Variants in ZNF804A observed in about 807,000 individuals in gnomAD.
ZNF804A encodes zinc finger protein 804A.
Under a neutral mutation model 16.5 loss-of-function variants are expected in ZNF804A, and 2 were observed. That is an observed-to-expected ratio of 0.12 (90% CI 0.05 to 0.38). The LOEUF (loss-of-function observed/expected upper bound fraction) is 0.38, where lower values mean the gene tolerates loss of function less well. Among genes scored for constraint, ZNF804A ranks in the 10% least tolerant of loss-of-function variants. ZNF804A has a pLI of 0.99. For synonymous variants in ZNF804A, 534 were observed against 489.6 expected, an observed-to-expected ratio of 1.09 and a Z score of -1.20; for missense variants, 1,473 against 1,390.7, an observed-to-expected ratio of 1.06 and a Z score of -0.94.
In ZNF804A at chr2:184,627,753, A is replaced by T. The variant is rs182593496; in HGVS notation, c.111+28683A>T. On this transcript the variant is annotated intron_variant, in intron 1 of 3. Transcript: ENST00000302277. The stretch of plus-strand genomic sequence containing the variant: ...TAGATTGCATAGGTAGCTAAGAGAC[A>T]TTAGAAATGGATTTATTCTAAGAAG... Among the ~76,000 whole-genome samples, 47 of 152,338 alleles carry T rather than the reference A, an allele frequency of 3.1e-4. 1 individual carries two copies. In the East Asian group the frequency reaches 9.1e-3, roughly 29 times the overall value.
chr2:184,637,415 TTATTA>T lies in ZNF804A; in HGVS notation c.111+38350_111+38354del, dbSNP rs1278901790. ...GAGAATATTTCCAGTAAAATCTGGATTATTATATTTAAGTCTTTTCCATATTTGCT... is the reference window on the plus strand; with the variant it reads ...GAGAATATTTCCAGTAAAATCTGGATTATTTAAGTCTTTTCCATATTTGCT... On this transcript the variant is annotated intron_variant, in intron 1 of 3. Coordinates refer to ENST00000302277, the MANE Select transcript of ZNF804A (RefSeq NM_194250.2). Among the ~76,000 whole-genome samples the T allele has an allele frequency of 3.3e-5, 5 of 152,196 alleles. No individual in the cohort carries two copies. The East Asian group carries it at 7.7e-4, about 23-fold the overall frequency.
intron 2 of ZNF804A, among the ~76,000 whole-genome samples, chr2:184,910,065 A>T (rs768182486): frequency 6.6e-6 from 1 of 151,928 alleles, no homozygotes; most frequent in Non-Finnish European, 1.5e-5. Flanking sequence ...ATATTGTTTG[A>T]TGCTGAGATT....
Position 184,811,812 on chromosome 2 carries a change from A to G in ZNF804A, c.112-54557A>G, listed in dbSNP as rs1226694106. On this transcript the variant is annotated intron_variant, in intron 1 of 3. Coordinates refer to ENST00000302277, the MANE Select transcript of ZNF804A (RefSeq NM_194250.2). The stretch of plus-strand genomic sequence containing the variant: ...GATTTTAGCCTCCATCTTAATTAAT[A>G]TTTTAACATTTCAAAATTTACAACA... 2.6e-5 allele frequency among the ~76,000 whole-genome samples: 4 copies of G among 152,236 alleles called. No homozygotes were observed. The East Asian group carries it at 7.7e-4, about 29-fold the overall frequency.
At chr2:184,855,012 A>T (rs1303385853) in intron 1 of ZNF804A, among the ~76,000 whole-genome samples, 1 of 152,078 alleles carries the variant, frequency 6.6e-6, no homozygotes, top group Non-Finnish European at 1.5e-5. Flanking sequence ...TCATCAATGT[A>T]TTTCCCAAAG....
intron 2 of ZNF804A, among the ~76,000 whole-genome samples, chr2:184,879,807 A>G (rs535395707): frequency 8.5e-5 from 13 of 152,196 alleles, no homozygotes; most frequent in African/African-American, 3.1e-4. Flanking sequence ...CATAGTGCCA[A>G]GAAATGCCAA....
intron 1 of ZNF804A, among the ~76,000 whole-genome samples, chr2:184,735,141 A>C (rs1331413890): frequency 5.3e-5 from 8 of 152,084 alleles, no homozygotes; most frequent in Non-Finnish European, 1.2e-4. Flanking sequence ...TGTTGCATTT[A>C]GTCCATTGGT....
intron 1 of ZNF804A, among the ~76,000 whole-genome samples, chr2:184,810,462 G>T (rs1694875554): frequency 7.0e-6 from 1 of 143,130 alleles, no homozygotes; most frequent in Non-Finnish European, 1.5e-5. Flanking sequence ...TTACATTTCT[G>T]AAACATTTTT....
intron 1 of ZNF804A, among the ~76,000 whole-genome samples, chr2:184,697,199 A>C (rs767774547): frequency 6.6e-6 from 1 of 152,032 alleles, no homozygotes; most frequent in Non-Finnish European, 1.5e-5. Context: ...AATAGCACTT[A>C]ACAGTGATTT....
intron 2 of ZNF804A, among the ~76,000 whole-genome samples, chr2:184,901,287 G>A (rs1685178203): frequency 6.6e-6 from 1 of 152,142 alleles, no homozygotes; most frequent in South Asian, 2.1e-4. Flanking sequence ...GGGAACCAGG[G>A]AAGGCAGAGG....
At chr2:184,723,328 C>A (rs1000545757) in intron 1 of ZNF804A, among the ~76,000 whole-genome samples, 2 of 151,738 alleles carry the variant, frequency 1.3e-5, no homozygotes, top group East Asian at 1.9e-4. Flanking sequence ...GATTGACATA[C>A]AAGAATTTTC....
intron 2 of ZNF804A, among the ~76,000 whole-genome samples, chr2:184,900,936 A>G (rs1221283476): frequency 2.0e-5 from 3 of 152,126 alleles, no homozygotes; most frequent in Admixed American, 1.3e-4. Context: ...CCTTTGTAGG[A>G]CTTCAATGCA....
chr2:184,780,500 T>A (rs1420719965), intron 1 of ZNF804A, among the ~76,000 whole-genome samples: 1 of 151,708 alleles, frequency 6.6e-6, no homozygotes, highest in Admixed American at 6.6e-5. Context: ...TTTCTGTTTG[T>A]TTTTCCATTT....
intron 1 of ZNF804A, among the ~76,000 whole-genome samples, chr2:184,658,883 C>T (rs1368408530): frequency 6.6e-6 from 1 of 152,182 alleles, no homozygotes; most frequent in African/African-American, 2.4e-5. Flanking sequence ...AAGAATCTTT[C>T]ATTTACTATT....
At chr2:184,786,200 T>C (rs1694446573) in intron 1 of ZNF804A, among the ~76,000 whole-genome samples, 2 of 152,064 alleles carry the variant, frequency 1.3e-5, no homozygotes, top group Non-Finnish European at 2.9e-5. Flanking sequence ...ACACATCCTT[T>C]CTAGTCAGTA....
At chr2:184,908,806 G>T (rs1345373273) in intron 2 of ZNF804A, among the ~76,000 whole-genome samples, 5 of 152,000 alleles carry the variant, frequency 3.3e-5, no homozygotes, top group African/African-American at 7.2e-5. Context: ...ACTGAGTTAC[G>T]CTCAGAATGC....
At chr2:184,886,188 C>A (rs1684887391) in intron 2 of ZNF804A, among the ~76,000 whole-genome samples, 1 of 152,116 alleles carries the variant, frequency 6.6e-6, no homozygotes, top group Non-Finnish European at 1.5e-5. Context: ...GTTACAAGGC[C>A]CGTGCAAATC....
intron 1 of ZNF804A, among the ~76,000 whole-genome samples, chr2:184,740,805 A>G (rs1693699088): frequency 6.6e-6 from 1 of 152,180 alleles, no homozygotes; most frequent in Non-Finnish European, 1.5e-5. Flanking sequence ...ATAAAAATTC[A>G]TTAAGATTAG....
At position 184,938,859 on chromosome 2, in the gene ZNF804A, C is replaced by A; in HGVS notation, c.3463C>A (p.Leu1155Ile). The A allele has an allele frequency of 1.2e-6, 2 of 1,614,030 alleles. No individual in the cohort carries two copies. Among genetic ancestry groups the A allele is most frequent in the Non-Finnish European group, 1.7e-6 (2 of 1,179,980 alleles). ...QLSVGPVGPRLCPGNQPTFVA... is the reference protein window; with the variant it reads ...QLSVGPVGPRICPGNQPTFVA... ...CTCAGTAGGACCAGTAGGACCGAGGCTTTGTCCTGGGAACCAGCCAACTTT... is the reference window on the plus strand; with the variant it reads ...CTCAGTAGGACCAGTAGGACCGAGGATTTGTCCTGGGAACCAGCCAACTTT... The change falls in exon 4 of 4, where the codon CTT becomes ATT. Residue 1155 changes from leucine (L) to isoleucine (I), a missense_variant. Transcript: ENST00000302277.
intron 2 of ZNF804A, among the ~76,000 whole-genome samples, chr2:184,891,121 C>A (rs981861451): frequency 2.0e-5 from 3 of 152,090 alleles, no homozygotes; most frequent in Non-Finnish European, 2.9e-5. Context: ...AAGCCAGAAA[C>A]CTTGTTTCTG....
Sources: allele counts gnomAD v4.1 joint callset (sites outside exome capture counted in the v4.1 genomes callset), GRCh38; gene constraint gnomAD v4.1.1; transcripts MANE v1.5; gene names NCBI Gene and HGNC (gene_info 2026-07-23, HGNC 2026-07-21).